The following CPS1 variants were observed in gnomAD, a reference collection of about 807,000 sequenced individuals.
CPS1 encodes carbamoyl-phosphate synthase [ammonia], mitochondrial.
Under a neutral mutation model 174.6 loss-of-function variants are expected in CPS1, and 109 were observed. The observed-to-expected ratio is 0.62, with a 90% confidence interval of 0.53 to 0.73. CPS1 has a LOEUF of 0.73. Ranked by LOEUF, CPS1 falls within the 30% of genes least tolerant of loss-of-function variation. CPS1 has a pLI of 0.00. For synonymous variants in CPS1, 637 were observed against 632.0 expected (o/e 1.01, Z -0.12); for missense variants, 1,689 against 1,821.9 (o/e 0.93, Z 1.33).
At chr2:210,552,260 T>C (rs1291970593), upstream of CPS1, among the ~76,000 whole-genome samples, 1 of 152,034 alleles carries the variant, frequency 6.6e-6, no homozygotes, top group Non-Finnish European at 1.5e-5. Context: ...TCTTCAAAAA[T>C]AGACTTTATA....
intron 16 of CPS1, among the ~76,000 whole-genome samples, chr2:210,603,275 T>C (rs997544299): frequency 1.3e-5 from 2 of 151,918 alleles, no homozygotes; most frequent in African/African-American, 4.8e-5. Flanking sequence ...TTTACTTACT[T>C]TTTGAACTGA....
chr2:210,581,558 A>G (rs1442909661), intron 5 of CPS1, among the ~76,000 whole-genome samples: 3 of 152,184 alleles, frequency 2.0e-5, no homozygotes, highest in African/African-American at 7.2e-5. Flanking sequence ...TTTCAAAATT[A>G]GGGATCCATA....
chr2:210,675,822 G>A lies in CPS1; in HGVS notation c.4256G>A (p.Ser1419Asn). The change falls in exon 36 of 38, where the codon AGC becomes AAC. Residue 1419 changes from serine to asparagine, a missense_variant. Transcript: ENST00000233072. ...AWPSQEGQNP[S>N]LSSIRKLIRD... ...CCGTCTCAAGAAGGACAGAATCCCA[G>A]CCTCTCTTCCATCAGAAAGTAAGAA... 1 of 1,550,684 alleles carries A rather than the reference G, an allele frequency of 6.4e-7. No homozygotes were observed. The highest frequency in any genetic ancestry group is 8.9e-7 in the Non-Finnish European group (1 of 1,122,230).
At chr2:210,503,446 A>G (rs1244220066) in intron 1 of CPS1, among the ~76,000 whole-genome samples, 3 of 151,944 alleles carry the variant, frequency 2.0e-5, no homozygotes, top group South Asian at 4.2e-4. Context: ...ATTAGTTCAC[A>G]TTTTTCTTAT....
chr2:210,676,250 A>G (rs6720137), intron 36 of CPS1, among the ~76,000 whole-genome samples: 11,334 of 152,284 alleles, frequency 0.074, 427 homozygotes, highest in Middle Eastern at 0.15. Flanking sequence ...TATGTTGAGT[A>G]CTATGATGAT....
intron 21 of CPS1, among the ~76,000 whole-genome samples, chr2:210,633,132 C>T (rs1469823854): frequency 6.6e-6 from 1 of 152,162 alleles, no homozygotes; most frequent in Non-Finnish European, 1.5e-5. Flanking sequence ...TCTGAAGTAT[C>T]ATTCACAATC....
intron 1 of CPS1, among the ~76,000 whole-genome samples, chr2:210,546,458 A>G (rs946603562): frequency 3.3e-5 from 5 of 152,174 alleles, no homozygotes; most frequent in African/African-American, 9.6e-5. Flanking sequence ...AATGTGTGAA[A>G]TAAGAGTACG....
chr2:210,509,633 A>G (rs1422850958), intron 1 of CPS1, among the ~76,000 whole-genome samples: 1 of 152,176 alleles, frequency 6.6e-6, no homozygotes, highest in South Asian at 2.1e-4. Context: ...TAGAAAACCC[A>G]TCGTCTCAGC....
chr2:210,652,533 G>C (rs1168711425), intron 28 of CPS1, among the ~76,000 whole-genome samples: 1 of 152,168 alleles, frequency 6.6e-6, no homozygotes, highest in Admixed American at 6.5e-5. Context: ...GGGTGAAAGA[G>C]GATAAAGGAT....
chr2:210,573,255 T>C, intron 1 of CPS1, 43 bp from the exon 2 acceptor site: 3 of 1,500,628 alleles, frequency 2.0e-6, no homozygotes, highest in Non-Finnish European at 2.8e-6. Context: ...TTGTGTGTTT[T>C]GTATTATGTA....
At position 210,506,565 on chromosome 2, in the gene CPS1, A is replaced by T. The variant is rs1031302650; in HGVS notation, c.3+28799A>T. Among the ~76,000 whole-genome samples, 9 of 151,968 alleles carry T rather than the reference A, an allele frequency of 5.9e-5. No homozygotes were observed. In the South Asian group the frequency reaches 1.9e-3, roughly 32 times the overall value. On this transcript the variant is annotated intron_variant, in intron 1 of 38. Transcript: ENST00000430249. ...GACGAGCTGAGAGAAGGCTTCAGACAATCAAACTACTCCAAGCTAAAGGAG... is the reference window on the plus strand; with the variant it reads ...GACGAGCTGAGAGAAGGCTTCAGACTATCAAACTACTCCAAGCTAAAGGAG...
intron 1 of CPS1, among the ~76,000 whole-genome samples, chr2:210,530,266 T>C (rs1006052611): frequency 1.3e-5 from 2 of 152,102 alleles, no homozygotes; most frequent in African/African-American, 4.8e-5. Flanking sequence ...TAGATTAGAC[T>C]CTTCTGATTT....
At chr2:210,658,324 G>C in intron 30 of CPS1, 1 of 387,396 alleles carries the variant, frequency 2.6e-6, no homozygotes, top group Non-Finnish European at 4.9e-6. Context: ...TGTAAAACCA[G>C]GTTATATAAT....
At chr2:210,556,539 G>A, upstream of CPS1, 1 of 1,472,790 alleles carries the variant, frequency 6.8e-7, no homozygotes. Flanking sequence ...TCAGGAGGAG[G>A]GGTTAAGAGA....
intron 36 of CPS1, 106 bp from the exon 37 acceptor site, chr2:210,676,901 A>G (rs909160812): frequency 9.7e-7 from 1 of 1,033,718 alleles, no homozygotes; most frequent in South Asian, 1.3e-5. Flanking sequence ...CAGTCAACTC[A>G]GCATGGCATT....
chr2:210,522,836 A>T (rs575251013), intron 1 of CPS1, among the ~76,000 whole-genome samples: 1 of 152,140 alleles, frequency 6.6e-6, no homozygotes, highest in South Asian at 2.1e-4. Flanking sequence ...TTGGGTTCTT[A>T]TGAGCAGGTA....
chr2:210,586,024 G>A (rs1698096173), intron 6 of CPS1, among the ~76,000 whole-genome samples: 1 of 151,700 alleles, frequency 6.6e-6, no homozygotes, highest in Admixed American at 6.6e-5. Context: ...TCCAGCGTGA[G>A]AGTTTTTAAA....
chr2:210,549,873 T>C (rs1199823911), intron 1 of CPS1, among the ~76,000 whole-genome samples: 1 of 152,034 alleles, frequency 6.6e-6, no homozygotes, highest in African/African-American at 2.4e-5. Context: ...CCTGAATTGA[T>C]TATTCTTTTG....
At chr2:210,565,379 G>C (rs2370997) in intron 1 of CPS1, among the ~76,000 whole-genome samples, 96,565 of 151,992 alleles carry the variant, frequency 0.64, 31,442 homozygotes, top group African/African-American at 0.78. Context: ...TTCACAATAC[G>C]TGTAGGCTCC....
Sources: gnomAD v4.1 joint callset for allele counts (sites outside exome capture counted in the v4.1 genomes callset) on GRCh38, gnomAD v4.1.1 for gene constraint, MANE v1.5 for transcripts, NCBI Gene and HGNC (gene_info 2026-07-23, HGNC 2026-07-21) for gene names.